Variants in ITPR2 observed in about 807,000 individuals in gnomAD.
The protein encoded by ITPR2 is inositol 1,4,5-trisphosphate receptor type 2.
In ITPR2, 207 loss-of-function variants were observed where a neutral mutation model predicts 317.1. That is an observed-to-expected ratio of 0.65 (90% CI 0.58 to 0.73). The LOEUF is 0.73. Ranked by LOEUF, ITPR2 falls within the 30% of genes least tolerant of loss-of-function variation. The probability of loss-of-function intolerance (pLI) is 0.00; values close to 1 mark genes in which losing one functional copy is unlikely to be tolerated. For missense variants in ITPR2, 2,613 were observed against 3,284.0 expected (o/e 0.80, Z 4.99); for synonymous variants, 1,156 against 1,149.1 (o/e 1.01, Z -0.12).
intron 48 of ITPR2, 29 bp from the exon 49 acceptor site, chr12:26,428,117 A>G: frequency 6.5e-7 from 1 of 1,532,294 alleles, no homozygotes; most frequent in South Asian, 1.3e-5. Context: ...ATTTATTGCT[A>G]CTAAGAATAA....
intron 39 of ITPR2, among the ~76,000 whole-genome samples, chr12:26,488,226 C>T (rs952275439): frequency 2.0e-5 from 3 of 151,922 alleles, no homozygotes; most frequent in Admixed American, 6.6e-5. Context: ...TAATAACTCC[C>T]TAACTGTAGT....
At chr12:26,358,492 A>C (rs1938711660) in intron 55 of ITPR2, among the ~76,000 whole-genome samples, 1 of 152,076 alleles carries the variant, frequency 6.6e-6, no homozygotes, top group Non-Finnish European at 1.5e-5. Flanking sequence ...GTGATCTTAC[A>C]TACATTCTCT....
chr12:26,734,419 AC>A (rs1466758920), intron 2 of ITPR2, among the ~76,000 whole-genome samples: 12 of 152,358 alleles, frequency 7.9e-5, no homozygotes, highest in South Asian at 6.2e-4. Context: ...GTTAAAAGAG[AC>A]AATCCAAACA....
At chr12:26,797,907 G>T (rs1002976391) in intron 1 of ITPR2, among the ~76,000 whole-genome samples, 2 of 151,780 alleles carry the variant, frequency 1.3e-5, no homozygotes, top group African/African-American at 4.8e-5. Flanking sequence ...GGTCAGGCTG[G>T]TCTCAAACTC....
At chr12:26,360,358 C>A (rs539315671) in intron 55 of ITPR2, among the ~76,000 whole-genome samples, 3 of 152,178 alleles carry the variant, frequency 2.0e-5, no homozygotes, top group African/African-American at 7.2e-5. Flanking sequence ...TGTTGTTTCC[C>A]GTCTTCGAGG....
intron 37 of ITPR2, among the ~76,000 whole-genome samples, chr12:26,530,244 T>C: frequency 6.6e-6 from 1 of 152,184 alleles, no homozygotes; most frequent in East Asian, 1.9e-4. Flanking sequence ...ACCAGCACAC[T>C]TAATGTGGTC....
Position 26,390,384 on chromosome 12 carries a change from A to T in ITPR2, c.7697-2790T>A, listed in dbSNP as rs146495830. On this transcript the variant is annotated intron_variant, in intron 54 of 56. Transcript: ENST00000381340. ...TGTCAATTAATTGATGAAAGGATAA[A>T]ATATGGTATATCCATATGACAGGAT... Among the ~76,000 whole-genome samples, 167 of 152,344 alleles carry T rather than the reference A, an allele frequency of 1.1e-3. 1 individual carries two copies. Among genetic ancestry groups the T allele is most frequent in the African/African-American group, 3.8e-3 (160 of 41,578 alleles).
chr12:26,603,160 G>T (rs1393040202), intron 26 of ITPR2, among the ~76,000 whole-genome samples: 1 of 152,056 alleles, frequency 6.6e-6, no homozygotes, highest in Non-Finnish European at 1.5e-5. Context: ...AGAGAAGGGA[G>T]CAAAGAACAA....
intron 37 of ITPR2, among the ~76,000 whole-genome samples, chr12:26,541,542 A>G (rs1360273366): frequency 6.6e-6 from 1 of 152,242 alleles, no homozygotes; most frequent in African/African-American, 2.4e-5. Flanking sequence ...AGCAAAAGTT[A>G]TTATCCAATT....
intron 1 of ITPR2, among the ~76,000 whole-genome samples, chr12:26,811,036 C>CAAAAAAA (rs79796097): frequency 2.8e-5 from 3 of 108,312 alleles, no homozygotes; most frequent in African/African-American, 3.9e-5. Context: ...TTTTAAGTTA[C>CAAAAAAA]AAAAAAAAAA....
chr12:26,543,424 GAGAA>G (rs1944312734), intron 37 of ITPR2, among the ~76,000 whole-genome samples: 1 of 152,114 alleles, frequency 6.6e-6, no homozygotes, highest in Non-Finnish European at 1.5e-5. Context: ...GAGAGGGAGA[GAGAA>G]AGAGAGTGTC....
chr12:26,607,774 G>C (rs1946169924), intron 26 of ITPR2, among the ~76,000 whole-genome samples: 1 of 151,934 alleles, frequency 6.6e-6, no homozygotes, highest in Non-Finnish European at 1.5e-5. Flanking sequence ...CTTTTGCTCC[G>C]TCCCAAGACA....
intron 45 of ITPR2, among the ~76,000 whole-genome samples, chr12:26,463,125 T>C (rs939646613): frequency 6.6e-6 from 1 of 152,220 alleles, no homozygotes; most frequent in African/African-American, 2.4e-5. Flanking sequence ...GCTTATGTGT[T>C]TACTAATTAC....
At chr12:26,756,051 C>A (rs1949515124) in intron 2 of ITPR2, among the ~76,000 whole-genome samples, 1 of 152,050 alleles carries the variant, frequency 6.6e-6, no homozygotes, top group Non-Finnish European at 1.5e-5. Flanking sequence ...TTTGAAAGAG[C>A]TTATGTGAAA....
intron 2 of ITPR2, among the ~76,000 whole-genome samples, chr12:26,756,195 CTATG>C (rs1949516759): frequency 6.6e-6 from 1 of 152,114 alleles, no homozygotes; most frequent in African/African-American, 2.4e-5. Flanking sequence ...ATTTCAAGAA[CTATG>C]GTACATCTGT....
rs575383249 is a variant in ITPR2, at chr12:26,621,305, G to C, written c.3289-9C>G. 3 of 1,591,600 alleles carry C rather than the reference G, an allele frequency of 1.9e-6. No individual in the cohort carries two copies. The South Asian group carries it at 3.4e-5, about 18-fold the overall frequency. On this transcript the variant is annotated splice_polypyrimidine_tract_variant and intron_variant, in intron 25 of 56. Coordinates refer to ENST00000381340, the MANE Select transcript of ITPR2 (RefSeq NM_002223.4). ...GACACCAGTAATTGCACCTAAAACA[G>C]AAGAATTTCAATCTTAGTTGAAGTT...
intron 2 of ITPR2, 95 bp downstream of exon 2, chr12:26,790,062 C>G (rs1338474711): frequency 1.2e-6 from 1 of 821,506 alleles, no homozygotes; most frequent in Non-Finnish European, 2.1e-6. Context: ...CTGAAAGTTT[C>G]ACATTGAATA....
intron 49 of ITPR2, among the ~76,000 whole-genome samples, chr12:26,426,749 G>A (rs1397907637): frequency 6.6e-6 from 1 of 151,832 alleles, no homozygotes; most frequent in Admixed American, 6.6e-5. Context: ...CAGAAATACA[G>A]AATTGGCCAT....
At chr12:26,830,510 G>C (rs939919138) in intron 1 of ITPR2, among the ~76,000 whole-genome samples, 6 of 152,194 alleles carry the variant, frequency 3.9e-5, no homozygotes, top group Non-Finnish European at 8.8e-5. Context: ...TTAGGTTCCA[G>C]GTTTTGGCAT....
Sources: allele counts gnomAD v4.1 joint callset (sites outside exome capture counted in the v4.1 genomes callset), GRCh38; gene constraint gnomAD v4.1.1; transcripts MANE v1.5; gene names NCBI Gene and HGNC (gene_info 2026-07-23, HGNC 2026-07-21).